Variants in GMDS observed in about 807,000 individuals in gnomAD.
GMDS encodes the protein GDP-mannose 4,6-dehydratase, also known as GDP-mannose 4,6 dehydratase.
Under a neutral mutation model 49.9 loss-of-function variants are expected in GMDS, and 20 were observed. That is an observed-to-expected ratio of 0.40 (90% CI 0.28 to 0.58). The LOEUF (loss-of-function observed/expected upper bound fraction) is 0.58. Ranked by LOEUF, GMDS falls within the 20% of genes least tolerant of loss-of-function variation. The probability of loss-of-function intolerance (pLI) is 0.42; values close to 1 mark genes in which losing one functional copy is unlikely to be tolerated. For missense variants in GMDS, 362 were observed against 481.4 expected, an observed-to-expected ratio of 0.75 and a Z score of 2.32; for synonymous variants, 177 against 178.6, an observed-to-expected ratio of 0.99 and a Z score of 0.07.
intron 1 of GMDS, among the ~76,000 whole-genome samples, chr6:2,137,874 A>AGAC (rs1776089391): frequency 6.6e-6 from 1 of 152,228 alleles, no homozygotes; most frequent in South Asian, 2.1e-4. Flanking sequence ...GGATAATTTT[A>AGAC]ACTACTAGTA....
chr6:1,624,263 C>T, intron 10 of GMDS, 32 bp from the exon 11 acceptor site: 1 of 1,597,632 alleles, frequency 6.3e-7, no homozygotes, highest in Non-Finnish European at 8.6e-7. Context: ...GAGGGAGGAG[C>T]TTCTGCCACT....
chr6:2,229,381 G>T (rs1045052477), intron 1 of GMDS, among the ~76,000 whole-genome samples: 5 of 149,076 alleles, frequency 3.4e-5, no homozygotes, highest in Non-Finnish European at 7.4e-5. Flanking sequence ...AGACCAGTCT[G>T]GGCAACATAG....
intron 7 of GMDS, among the ~76,000 whole-genome samples, chr6:1,803,592 A>G (rs1442040347): frequency 6.6e-6 from 1 of 151,908 alleles, no homozygotes; most frequent in East Asian, 1.9e-4. Flanking sequence ...AAATAAATAA[A>G]TAAATATAAT....
chr6:1,748,426 T>C (rs1003111957), intron 7 of GMDS, among the ~76,000 whole-genome samples: 1 of 152,250 alleles, frequency 6.6e-6, no homozygotes, highest in Non-Finnish European at 1.5e-5. Context: ...TATTAATTTA[T>C]ATGATTTCCT....
intron 7 of GMDS, among the ~76,000 whole-genome samples, chr6:1,925,223 C>G (rs560815459): frequency 6.6e-6 from 1 of 152,192 alleles, no homozygotes; most frequent in Non-Finnish European, 1.5e-5. Context: ...ATCTAACTGC[C>G]TATGACTTTA....
At chr6:1,931,100 G>A (rs1272275686) in intron 6 of GMDS, 1 of 152,196 alleles carries the variant, frequency 6.6e-6, no homozygotes, top group Admixed American at 6.5e-5. Context: ...GTAAGGTTAT[G>A]AGAAAACACC....
chr6:1,792,436 C>T (rs1425394002), intron 7 of GMDS, among the ~76,000 whole-genome samples: 1 of 152,128 alleles, frequency 6.6e-6, no homozygotes, highest in Non-Finnish European at 1.5e-5. Flanking sequence ...GTTTCACCTT[C>T]GATACTGATC....
At chr6:1,684,458 A>G (rs1317106850) in intron 9 of GMDS, among the ~76,000 whole-genome samples, 1 of 152,242 alleles carries the variant, frequency 6.6e-6, no homozygotes, top group Non-Finnish European at 1.5e-5. Context: ...AATGAGCTTC[A>G]GGTGAACGGC....
At chr6:1,788,949 C>T (rs891338912) in intron 7 of GMDS, among the ~76,000 whole-genome samples, 1 of 152,196 alleles carries the variant, frequency 6.6e-6, no homozygotes, top group African/African-American at 2.4e-5. Context: ...CTTCGGGCAC[C>T]AGCCCCGGTT....
intron 7 of GMDS, among the ~76,000 whole-genome samples, chr6:1,813,679 T>C (rs58039348): frequency 0.013 from 2,011 of 152,270 alleles, 51 homozygotes; most frequent in African/African-American, 0.044. Context: ...ACACGTAAGG[T>C]CTTCAAGTAA....
At chr6:2,142,988 C>T (rs765788046) in intron 1 of GMDS, among the ~76,000 whole-genome samples, 29 of 152,166 alleles carry the variant, frequency 1.9e-4, no homozygotes, top group South Asian at 4.1e-4. Flanking sequence ...CCGATTCAAC[C>T]ACCACTTTCT....
At chr6:1,637,217 G>A (rs1763182267) in intron 9 of GMDS, among the ~76,000 whole-genome samples, 1 of 152,228 alleles carries the variant, frequency 6.6e-6, no homozygotes, top group Admixed American at 6.5e-5. Context: ...GCAAAGGGTG[G>A]AGAGGCCTCC....
At chr6:2,238,506 T>C (rs1781474012) in intron 1 of GMDS, among the ~76,000 whole-genome samples, 1 of 152,196 alleles carries the variant, frequency 6.6e-6, no homozygotes, top group Non-Finnish European at 1.5e-5. Context: ...TTTACTATTC[T>C]CATTCATCCT....
At chr6:1,983,655 A>C (rs550267928) in intron 4 of GMDS, among the ~76,000 whole-genome samples, 48 of 152,360 alleles carry the variant, frequency 3.2e-4, no homozygotes, top group Admixed American at 5.2e-4. Context: ...AAAAATGCAA[A>C]TCAAAACCAC....
chr6:2,062,180 G>A (rs1771220877), intron 4 of GMDS, among the ~76,000 whole-genome samples: 1 of 152,134 alleles, frequency 6.6e-6, no homozygotes, highest in African/African-American at 2.4e-5. Context: ...GTCACAGGAG[G>A]GGAAGCTTCT....
chr6:1,749,453 T>G (rs1429289242), intron 7 of GMDS, among the ~76,000 whole-genome samples: 3 of 150,550 alleles, frequency 2.0e-5, no homozygotes, highest in African/African-American at 7.4e-5. Flanking sequence ...CTGGGCGTGG[T>G]GGGGGCGGGG....
intron 9 of GMDS, among the ~76,000 whole-genome samples, chr6:1,715,638 G>GA (rs1166442321): frequency 6.6e-6 from 1 of 152,208 alleles, no homozygotes; most frequent in Non-Finnish European, 1.5e-5. Flanking sequence ...AGATCAGTGG[G>GA]AAAATACTCA....
chr6:2,141,943 T>C (rs1229481084), intron 1 of GMDS, among the ~76,000 whole-genome samples: 1 of 151,664 alleles, frequency 6.6e-6, no homozygotes, highest in Admixed American at 6.6e-5. Flanking sequence ...CTCCCCCTTC[T>C]CTCCGACCCC....
At chr6:2,144,185 G>C (rs879422804) in intron 1 of GMDS, among the ~76,000 whole-genome samples, 1 of 152,190 alleles carries the variant, frequency 6.6e-6, no homozygotes, top group African/African-American at 2.4e-5. Flanking sequence ...GGTCAGGTCA[G>C]GTCACCAGCT....
Sources: gnomAD v4.1 joint callset for allele counts (sites outside exome capture counted in the v4.1 genomes callset) on GRCh38, gnomAD v4.1.1 for gene constraint, MANE v1.5 for transcripts, NCBI Gene and HGNC (gene_info 2026-07-23, HGNC 2026-07-21) for gene names.